The following SPAST variants were observed in gnomAD, a reference collection of about 807,000 sequenced individuals.
SPAST encodes the protein spastic paraplegia 4 (autosomal dominant; spastin).
SPAST carries 30 observed loss-of-function variants against 76.6 expected under a neutral mutation model. The observed-to-expected ratio is 0.39, with a 90% CI of 0.29 to 0.53. The LOEUF (loss-of-function observed/expected upper bound fraction) is 0.53, where lower values mean the gene tolerates loss of function less well. Among genes scored for constraint, SPAST ranks in the 20% least tolerant of loss-of-function variants. The pLI is 0.68. For synonymous variants in SPAST, 305 were observed against 281.0 expected, an observed-to-expected ratio of 1.09 and a Z score of -0.86; for missense variants, 717 against 770.5, an observed-to-expected ratio of 0.93 and a Z score of 0.82.
chr2:32,114,267 C>T (rs1003499899), intron 4 of SPAST, among the ~76,000 whole-genome samples: 2 of 151,862 alleles, frequency 1.3e-5, no homozygotes, highest in Non-Finnish European at 2.9e-5. Flanking sequence ...TTAATTAGTC[C>T]GGTCTGGTGG....
intron 16 of SPAST, among the ~76,000 whole-genome samples, chr2:32,150,059 TTTTC>T (rs1207207872): frequency 1.3e-4 from 19 of 150,668 alleles, no homozygotes; most frequent in East Asian, 3.9e-4. Flanking sequence ...AAGCTTTTAG[TTTTC>T]TTTCTTTCTT....
At chr2:32,101,623 C>A (rs1016776939) in intron 4 of SPAST, among the ~76,000 whole-genome samples, 3 of 152,182 alleles carry the variant, frequency 2.0e-5, no homozygotes, top group African/African-American at 7.2e-5. Context: ...ACATTTAAGT[C>A]TTTAATCCAT....
intron 4 of SPAST, among the ~76,000 whole-genome samples, chr2:32,104,858 G>A (rs1032870533): frequency 6.6e-6 from 1 of 152,132 alleles, no homozygotes; most frequent in Non-Finnish European, 1.5e-5. Context: ...TGGGTAACCC[G>A]ACCTTTCTCT....
At chr2:32,113,983 C>T (rs577624321) in intron 4 of SPAST, among the ~76,000 whole-genome samples, 2 of 149,520 alleles carry the variant, frequency 1.3e-5, no homozygotes, top group Admixed American at 6.7e-5. Flanking sequence ...CTCTCTCTGT[C>T]GCCAGGCTGG....
At chr2:32,065,926 G>T (rs1676491733) in intron 1 of SPAST, 2 of 151,496 alleles carry the variant, frequency 1.3e-5, no homozygotes, top group African/African-American at 4.8e-5. Context: ...TAACATTTAA[G>T]AATACTATGT....
At chr2:32,107,984 G>C (rs779097310) in intron 4 of SPAST, among the ~76,000 whole-genome samples, 72 of 151,960 alleles carry the variant, frequency 4.7e-4, no homozygotes, top group Non-Finnish European at 8.8e-4. Context: ...ATTATACATT[G>C]TCCAATTTTC....
At chr2:32,151,877 C>T (rs2148767130) in intron 16 of SPAST, among the ~76,000 whole-genome samples, 1 of 150,992 alleles carries the variant, frequency 6.6e-6, no homozygotes, top group South Asian at 2.1e-4. Flanking sequence ...TACCACTGCA[C>T]TCCAGTCTGT....
chr2:32,098,987 G>T, intron 4 of SPAST, 96 bp downstream of exon 4: 5 of 845,914 alleles, frequency 5.9e-6, no homozygotes, highest in Non-Finnish European at 8.0e-6. Flanking sequence ...TATAATGGTA[G>T]GTTTAATTGT....
At chr2:32,072,984 C>A (rs949480419) in intron 1 of SPAST, among the ~76,000 whole-genome samples, 1 of 152,152 alleles carries the variant, frequency 6.6e-6, no homozygotes, top group African/African-American at 2.4e-5. Context: ...ATAAACATTT[C>A]ACATTTTTTC....
At position 32,063,744 on chromosome 2, in the gene SPAST, C is replaced by T; in HGVS notation, c.-88C>T. On this transcript the variant is annotated 5_prime_UTR_variant, in exon 1 of 17. Coordinates refer to ENST00000315285, the MANE Select transcript of SPAST (RefSeq NM_014946.4). The stretch of plus-strand genomic sequence containing the variant: ...GGCGGGCACACGGGGGTCTGTGGCC[C>T]CCGCCGTAGCAGTGGCTGCCGCCGT... 2.0e-6 allele frequency: 3 copies of T among 1,504,258 alleles called. No homozygotes were observed. The highest frequency in any genetic ancestry group is 2.7e-6 in the Non-Finnish European group (3 of 1,128,644). The allele number at this position is 1,504,258 out of a possible 1,614,324, so 93.2% of individuals were successfully genotyped here.
At chr2:32,116,996 C>G (rs920770698) in intron 7 of SPAST, among the ~76,000 whole-genome samples, 5 of 151,598 alleles carry the variant, frequency 3.3e-5, no homozygotes, top group African/African-American at 9.7e-5. Context: ...TACGGTAGTT[C>G]ACGCCTGTAA....
At chr2:32,107,500 G>T (rs943727169) in intron 4 of SPAST, among the ~76,000 whole-genome samples, 5 of 152,226 alleles carry the variant, frequency 3.3e-5, no homozygotes, top group Middle Eastern at 3.4e-3. Context: ...TGATCCACCT[G>T]CCCTGGCCTC....
intron 4 of SPAST, among the ~76,000 whole-genome samples, chr2:32,110,250 C>T (rs1268562234): frequency 6.7e-6 from 1 of 148,982 alleles, no homozygotes; most frequent in Non-Finnish European, 1.5e-5. Context: ...TCCCGAGTAC[C>T]TGGGATTACA....
At chr2:32,122,383 A>G (rs1679049522) in intron 7 of SPAST, among the ~76,000 whole-genome samples, 2 of 152,258 alleles carry the variant, frequency 1.3e-5, no homozygotes, top group South Asian at 4.1e-4. Context: ...GTGCCTTAGC[A>G]TGATCTTGGC....
intron 4 of SPAST, among the ~76,000 whole-genome samples, chr2:32,111,999 AGT>A (rs1678629781): frequency 1.4e-5 from 2 of 147,636 alleles, no homozygotes; most frequent in Non-Finnish European, 3.0e-5. Flanking sequence ...TAGTAGTAGT[AGT>A]AGTAGTAGTA....
At chr2:32,082,005 C>CTTTTTTTTTTTT (rs35493322) in intron 1 of SPAST, among the ~76,000 whole-genome samples, 5 of 71,214 alleles carry the variant, frequency 7.0e-5, no homozygotes, top group Non-Finnish European at 1.0e-4. Flanking sequence ...AGTTCTCTCT[C>CTTTTTTTTTTTT]TTTTTTTTTT....
intron 9 of SPAST, among the ~76,000 whole-genome samples, chr2:32,133,778 G>GA (rs72330209): frequency 1.1e-3 from 164 of 150,310 alleles, no homozygotes; most frequent in African/African-American, 3.5e-3. Context: ...AAATACTAGG[G>GA]AAAAAAAAAT....
chr2:32,150,456 G>T (rs1392154534), intron 16 of SPAST, among the ~76,000 whole-genome samples: 2 of 149,016 alleles, frequency 1.3e-5, no homozygotes. Flanking sequence ...TTTATTTTTT[G>T]GGACAGTGTC....
At chr2:32,077,590 A>G (rs1330456401) in intron 1 of SPAST, among the ~76,000 whole-genome samples, 2 of 152,158 alleles carry the variant, frequency 1.3e-5, no homozygotes, top group South Asian at 2.1e-4. Flanking sequence ...TTCCAAAATC[A>G]TATTGCTATT....
Sources: gnomAD v4.1 joint callset for allele counts (sites outside exome capture counted in the v4.1 genomes callset) on GRCh38, gnomAD v4.1.1 for gene constraint, MANE v1.5 for transcripts, NCBI Gene and HGNC (gene_info 2026-07-23, HGNC 2026-07-21) for gene names.